BACH2: variants seen among roughly 807,000 people sequenced by gnomAD.
The protein encoded by BACH2 is BACH transcriptional regulator 2.
A neutral mutation model predicts 61.8 loss-of-function variants in BACH2; 5 were observed. The observed-to-expected ratio is 0.08, with a 90% CI of 0.04 to 0.17. The LOEUF (loss-of-function observed/expected upper bound fraction) is 0.17. Among genes scored for constraint, BACH2 ranks in the 10% least tolerant of loss-of-function variants. BACH2 has a pLI of 1.00. For synonymous variants in BACH2, 446 were observed against 440.1 expected, an observed-to-expected ratio of 1.01 and a Z score of -0.17; for missense variants, 824 against 1,091.1, an observed-to-expected ratio of 0.76 and a Z score of 3.45.
intron 3 of BACH2, among the ~76,000 whole-genome samples, chr6:90,235,859 G>A (rs1222992008): frequency 1.3e-5 from 2 of 152,200 alleles, no homozygotes; most frequent in South Asian, 2.1e-4. Flanking sequence ...TGTCAGTTGT[G>A]CTGCCTGGCC....
At chr6:90,232,464 GA>G (rs539880935) in intron 3 of BACH2, among the ~76,000 whole-genome samples, 205 of 152,234 alleles carry the variant, frequency 1.3e-3, no homozygotes, top group African/African-American at 4.7e-3. Context: ...ATGTTAATAA[GA>G]AAAGAAATGT....
At position 89,928,977 on chromosome 6, in the gene BACH2, C is replaced by A. The variant is rs1378962554; in HGVS notation, c.*3431G>T. Reference sequence around the variant, plus strand: ...AACGCAGAGAAACAAACACATACAGCAAATCACTCACCTGTCCAAAGCCTG... The same window carrying A: ...AACGCAGAGAAACAAACACATACAGAAAATCACTCACCTGTCCAAAGCCTG... On this transcript the variant is annotated 3_prime_UTR_variant, in exon 9 of 9. Transcript: ENST00000257749. The A allele has an allele frequency of 6.6e-6, 1 of 152,378 alleles. No individual in the cohort carries two copies. The highest frequency in any genetic ancestry group is 1.5e-5 in the Non-Finnish European group (1 of 68,028). 9.4% of individuals were successfully genotyped at this position (152,378 alleles called of 1,614,324 possible).
chr6:90,098,847 A>G (rs1782493770), intron 4 of BACH2, among the ~76,000 whole-genome samples: 1 of 152,124 alleles, frequency 6.6e-6, no homozygotes, highest in African/African-American at 2.4e-5. Flanking sequence ...TTCTGGTCCA[A>G]CTGACTGTCA....
At chr6:90,296,175 T>C (rs1772371579) in intron 1 of BACH2, among the ~76,000 whole-genome samples, 1 of 151,980 alleles carries the variant, frequency 6.6e-6, no homozygotes, top group Admixed American at 6.5e-5. Flanking sequence ...CCTCTGCTGT[T>C]CCAAAACACC....
chr6:90,130,097 C>G (rs149489723), intron 4 of BACH2, among the ~76,000 whole-genome samples: 2,775 of 152,182 alleles, frequency 0.018, 86 homozygotes, highest in African/African-American at 0.064. Flanking sequence ...TCTCAAACCC[C>G]TGACCTCATG....
intron 6 of BACH2, among the ~76,000 whole-genome samples, chr6:89,963,011 C>T (rs1289917026): frequency 6.6e-6 from 1 of 152,156 alleles, no homozygotes; most frequent in Non-Finnish European, 1.5e-5. Flanking sequence ...AAAGAACTCT[C>T]ATTTAAAGAA....
rs572463247 is a variant in BACH2 at position 90,203,778 on chromosome 6, G to A, written c.-162+2791C>T. On this transcript the variant is annotated intron_variant, in intron 4 of 8. Coordinates refer to ENST00000257749, the MANE Select transcript of BACH2 (RefSeq NM_021813.4). ...AGCAGATTCTTGATGGGCCTTATGC[G>A]CAGGAATGCCCTCTGCTTCTCTTTT... Among the ~76,000 whole-genome samples, 121 of 152,212 alleles carry A rather than the reference G, an allele frequency of 7.9e-4. 2 individuals carry two copies. In the South Asian group the frequency reaches 0.023, roughly 29 times the overall value.
At position 90,048,617 on chromosome 6, in the gene BACH2, T is replaced by A. The variant is rs1288488956; in HGVS notation, c.-12-39761A>T. On this transcript the variant is annotated intron_variant, in intron 5 of 8. Coordinates refer to ENST00000257749, the MANE Select transcript of BACH2 (RefSeq NM_021813.4). ...AATTGAGGGTTGAGGTAAACATTTC[T>A]AAAATGTGCAAAAAAGTTAATTTTG... Among the ~76,000 whole-genome samples, 3 of 152,232 alleles carry A rather than the reference T, an allele frequency of 2.0e-5. No individual in the cohort carries two copies. In the East Asian group the frequency reaches 5.8e-4, roughly 29 times the overall value.
chr6:90,028,284 A>C (rs1778740697), intron 5 of BACH2, among the ~76,000 whole-genome samples: 1 of 152,222 alleles, frequency 6.6e-6, no homozygotes, highest in Non-Finnish European at 1.5e-5. Context: ...CTTAGCCCTG[A>C]TATAGTTCAC....
At position 90,033,089 on chromosome 6, in the gene BACH2, C is replaced by T. The variant is rs1779084475; in HGVS notation, c.-12-24233G>A. ...GGATGAAGCTGGAAACCATCATTCT[C>T]AGCAAACTATCGCAAGGACAAAAAA... is the stretch of plus-strand genomic sequence containing the variant. On this transcript the variant is annotated intron_variant, in intron 5 of 8. Transcript: ENST00000257749. Among the ~76,000 whole-genome samples the T allele has an allele frequency of 2.1e-5, 3 of 143,018 alleles. No homozygotes were observed. In the South Asian group the frequency reaches 7.2e-4, roughly 35 times the overall value. 93.8% of individuals were successfully genotyped at this position (143,018 alleles called of 152,430 possible).
intron 2 of BACH2, among the ~76,000 whole-genome samples, chr6:90,268,028 A>G (rs1227718232): frequency 6.8e-6 from 1 of 146,626 alleles, no homozygotes; most frequent in African/African-American, 2.5e-5. Flanking sequence ...TTTTTTTTCA[A>G]GACAGGGTCT....
intron 4 of BACH2, among the ~76,000 whole-genome samples, chr6:90,146,232 T>C (rs1784615083): frequency 6.6e-6 from 1 of 152,352 alleles, no homozygotes; most frequent in Middle Eastern, 3.4e-3. Context: ...CTGACTCTGT[T>C]GAACTCTATG....
At chr6:90,295,276 C>G (rs1332897309) in intron 1 of BACH2, among the ~76,000 whole-genome samples, 1 of 152,130 alleles carries the variant, frequency 6.6e-6, no homozygotes, top group Non-Finnish European at 1.5e-5. Context: ...CCTCAAGTTA[C>G]CAAACTCGCC....
At chr6:90,246,943 C>A (rs1770655220) in intron 3 of BACH2, among the ~76,000 whole-genome samples, 1 of 152,008 alleles carries the variant, frequency 6.6e-6, no homozygotes, top group African/African-American at 2.4e-5. Flanking sequence ...TGAAAATTTT[C>A]TTAAAATATG....
chr6:89,942,547 C>A (rs1219272094), intron 7 of BACH2, among the ~76,000 whole-genome samples: 2 of 152,156 alleles, frequency 1.3e-5, no homozygotes, highest in African/African-American at 4.8e-5. Flanking sequence ...GGCTTGGTTT[C>A]CTAAAGAGTC....
chr6:89,939,479 GATTT>G (rs1773262840), intron 7 of BACH2, among the ~76,000 whole-genome samples: 2 of 152,228 alleles, frequency 1.3e-5, no homozygotes, highest in African/African-American at 4.8e-5. Context: ...GTTTTGGGGT[GATTT>G]ATTATGCAAC....
chr6:89,986,140 G>C (rs1172004129), intron 6 of BACH2, among the ~76,000 whole-genome samples: 1 of 152,168 alleles, frequency 6.6e-6, no homozygotes, highest in Non-Finnish European at 1.5e-5. Flanking sequence ...CTGTGGAGGG[G>C]ATGGGCTGTT....
chr6:90,123,662 T>C (rs1357193967), intron 4 of BACH2, among the ~76,000 whole-genome samples: 40 of 144,604 alleles, frequency 2.8e-4, no homozygotes, highest in East Asian at 8.2e-4. Flanking sequence ...CCCAGCTACT[T>C]GGGAGGCTGA....
At chr6:90,253,763 G>A (rs1770887428) in intron 2 of BACH2, among the ~76,000 whole-genome samples, 1 of 152,130 alleles carries the variant, frequency 6.6e-6, no homozygotes, top group Admixed American at 6.5e-5. Flanking sequence ...AGAAAACACA[G>A]CACTTGTTAC....
Sources: allele counts gnomAD v4.1 joint callset (sites outside exome capture counted in the v4.1 genomes callset), GRCh38; gene constraint gnomAD v4.1.1; transcripts MANE v1.5; gene names NCBI Gene and HGNC (gene_info 2026-07-23, HGNC 2026-07-21).